Variants in NUP160 observed in about 807,000 individuals in gnomAD.
The protein encoded by NUP160 is nuclear pore complex protein Nup160.
In NUP160, 94 loss-of-function variants were observed where a neutral mutation model predicts 196.9. That is an observed-to-expected ratio of 0.48 (90% confidence interval 0.40 to 0.57). The LOEUF (loss-of-function observed/expected upper bound fraction) is 0.57. Ranked by LOEUF, NUP160 falls within the 20% of genes least tolerant of loss-of-function variation. The pLI, the probability that NUP160 is intolerant of heterozygous loss-of-function variation, is 0.00. For synonymous variants in NUP160, 605 were observed against 619.7 expected, an observed-to-expected ratio of 0.98 and a Z score of 0.35; for missense variants, 1,638 against 1,748.3, an observed-to-expected ratio of 0.94 and a Z score of 1.13.
At position 47,827,190 on chromosome 11, in the gene NUP160, C is replaced by T. The variant is rs142115375; in HGVS notation, c.1102-5026G>A. ...GAGACCAGGCAACATGGCGAAACCC[C>T]GTCTCTACCAAAAATACAAAAAAAT... is the stretch of plus-strand genomic sequence containing the variant. On this transcript the variant is annotated intron_variant, in intron 7 of 35. Transcript: ENST00000378460. 196 of 455,052 alleles carry T rather than the reference C, an allele frequency of 4.3e-4. 1 individual carries two copies. The highest frequency in any genetic ancestry group is 3.4e-3 in the African/African-American group (169 of 50,070). 28.2% of individuals were successfully genotyped at this position (455,052 alleles called of 1,614,324 possible). A position where few individuals can be genotyped will look rare whatever the true frequency, so the allele number is the denominator to read the frequency against.
rs570491132 is a variant in NUP160, at chr11:47,802,255, A to C, written c.2776-325T>G. ...AGACCAGCCTGACCAACACGGTGAA[A>C]CTCCATATCTACTAAAAACACAAAA... is the stretch of plus-strand genomic sequence containing the variant. On this transcript the variant is annotated intron_variant, in intron 22 of 35. Transcript: ENST00000378460. Among the ~76,000 whole-genome samples, 7 of 151,864 alleles carry C rather than the reference A, an allele frequency of 4.6e-5. No homozygotes were observed. The South Asian group carries it at 1.5e-3, about 32-fold the overall frequency.
In NUP160 at chr11:47,798,419, A is replaced by C. The variant is rs751943060; in HGVS notation, c.2940T>G (p.Ile980Met). 3 of 1,611,876 alleles carry C rather than the reference A, an allele frequency of 1.9e-6. No individual in the cohort carries two copies. The African/African-American group carries it at 4.0e-5, about 22-fold the overall frequency. Residue 980 changes from isoleucine (I) to methionine (M), a missense_variant, in exon 24 of 36, where the codon ATT becomes ATG. Ile to Met is a conservative substitution (Grantham distance 10). Around this residue, in one of 3 missense-constraint regions of NUP160, gnomAD observed 1,345 missense variants for 1,470.2 expected, o/e 0.91. Transcript: ENST00000378460. ...CAGTTATGGCTGATGTAGCCAACTGAATAACCAGTTCAGGCAAACCAATGA... is the reference window on the plus strand; with the variant it reads ...CAGTTATGGCTGATGTAGCCAACTGCATAACCAGTTCAGGCAAACCAATGA...
intron 7 of NUP160, 82 bp downstream of exon 7, chr11:47,835,569 G>T: frequency 1.7e-6 from 2 of 1,184,060 alleles, no homozygotes; most frequent in South Asian, 3.9e-5. Context: ...AAAAGAGCTT[G>T]AACAGACTCA....
At chr11:47,791,879 A>G in intron 29 of NUP160, 51 bp downstream of exon 29, 1 of 1,144,586 alleles carries the variant, frequency 8.7e-7, no homozygotes. Context: ...AACTAACAAT[A>G]ACAACATTAC....
chr11:47,794,736 CCTCT>C (rs1369948883), intron 27 of NUP160, among the ~76,000 whole-genome samples: 1 of 151,880 alleles, frequency 6.6e-6, no homozygotes, highest in Admixed American at 6.6e-5. Flanking sequence ...ATGGTGAAAC[CCTCT>C]CTCTACTAAA....
At chr11:47,835,952 A>C in intron 6 of NUP160, 143 bp from the exon 7 acceptor site, 3 of 658,204 alleles carry the variant, frequency 4.6e-6, no homozygotes, top group Non-Finnish European at 7.1e-6. Flanking sequence ...TTTGTTTCAA[A>C]AGGGCTAACA....
chr11:47,847,648 T>TGGGGGGGGGTGGGGGGGG (rs1852424883), intron 2 of NUP160, among the ~76,000 whole-genome samples, 200 bp downstream of exon 2: 1 of 77,464 alleles, frequency 1.3e-5, no homozygotes, highest in Non-Finnish European at 2.3e-5. Flanking sequence ...TGTGTGGGGG[T>TGGGGGGGGGTGGGGGGGG]GGGGGGGGGG....
intron 20 of NUP160, among the ~76,000 whole-genome samples, chr11:47,805,332 T>G (rs959173245): frequency 6.6e-6 from 1 of 152,076 alleles, no homozygotes; most frequent in Non-Finnish European, 1.5e-5. Context: ...GGTTTCACCA[T>G]GTTGGTCAGG....
chr11:47,809,677 G>A, intron 17 of NUP160, among the ~76,000 whole-genome samples: 1 of 149,310 alleles, frequency 6.7e-6, no homozygotes, highest in Non-Finnish European at 1.5e-5. Flanking sequence ...GAACCCAGGA[G>A]GCGGAGGTTG....
intron 3 of NUP160, 61 bp from the exon 4 acceptor site, chr11:47,840,126 CCT>C: frequency 7.7e-7 from 1 of 1,295,174 alleles, no homozygotes; most frequent in Non-Finnish European, 1.1e-6. Flanking sequence ...TTGCTCAGTT[CCT>C]CTCTATTGCT....
chr11:47,803,489 G>A (rs1280556548), exon 22 of NUP160: 1 of 1,612,618 alleles, frequency 6.2e-7, no homozygotes. Context: ...TAAATCGACA[G>A]GAACCAACAT....
chr11:47,803,293 C>A, intron 22 of NUP160, 145 bp downstream of exon 22: 1 of 587,410 alleles, frequency 1.7e-6, no homozygotes, highest in Non-Finnish European at 3.1e-6. Context: ...TATATAATGC[C>A]TTTGACTGGC....
Position 47,812,420 on chromosome 11 carries a change from C to T in NUP160, c.1962G>A (p.Val654=). The change falls in exon 16 of 36, where the codon GTG becomes GTA. Residue 654 remains valine (V), a synonymous_variant. Coordinates refer to ENST00000378460, the Ensembl canonical transcript of NUP160. Reference sequence around the variant, plus strand: ...GCAGTTTACTACAAATATCCTCCATCACATTTTCTCTATAAGGACAATTAC... The same window carrying T: ...GCAGTTTACTACAAATATCCTCCATTACATTTTCTCTATAAGGACAATTAC... 1.9e-6 allele frequency: 3 copies of T among 1,612,736 alleles called. 1 individual carries two copies. In the South Asian group the frequency reaches 3.3e-5, roughly 18 times the overall value.
At chr11:47,839,500 C>T in intron 4 of NUP160, 1 of 255,170 alleles carries the variant, frequency 3.9e-6, no homozygotes, top group East Asian at 9.5e-5. Context: ...GACACAGTGG[C>T]AACTTGGTGC....
chr11:47,848,077 G>T lies in NUP160; in HGVS notation c.203-118C>A, dbSNP rs564839979. On this transcript the variant is annotated intron_variant, in intron 1 of 35. Coordinates refer to ENST00000378460, the Ensembl canonical transcript of NUP160. ...ACCCATACAAAGAAAAGAGGAAAAC[G>T]TCGGACATCAAGGAATCTCTGATCC... 7.9e-5 allele frequency: 100 copies of T among 1,265,332 alleles called. No individual in the cohort carries two copies. The African/African-American group carries it at 1.3e-3, about 16-fold the overall frequency. The allele number at this position is 1,265,332 out of a possible 1,614,324, so 78.4% of individuals were successfully genotyped here.
At chr11:47,820,727 T>G (rs1173364102) in intron 9 of NUP160, among the ~76,000 whole-genome samples, 1 of 152,052 alleles carries the variant, frequency 6.6e-6, no homozygotes, top group East Asian at 1.9e-4. Context: ...AATTTTTGTA[T>G]TTTTAGTAGA....
chr11:47,847,050 G>C (rs779034738), intron 2 of NUP160, among the ~76,000 whole-genome samples: 4 of 152,052 alleles, frequency 2.6e-5, no homozygotes, highest in Admixed American at 1.3e-4. Context: ...AATGGCCTAA[G>C]GGTCCCTCAT....
At chr11:47,804,726 A>C in intron 20 of NUP160, 108 bp from the exon 21 acceptor site, 1 of 692,784 alleles carries the variant, frequency 1.4e-6, no homozygotes, top group Admixed American at 3.2e-5. Context: ...TTACATAAAC[A>C]AGGCAGAGAA....
At position 47,788,489 on chromosome 11, in the gene NUP160, T is replaced by C. The variant is rs2135346520; in HGVS notation, c.3622+12A>G. On this transcript the variant is annotated intron_variant, in intron 30 of 35. Transcript: ENST00000378460. ...CTGACAAGTCAGAGGCTTTAAACTCTTGAATTCCTACCAGCAACTGCAACC... is the reference window on the plus strand; with the variant it reads ...CTGACAAGTCAGAGGCTTTAAACTCCTGAATTCCTACCAGCAACTGCAACC... 6.2e-7 allele frequency: 1 copy of C among 1,609,884 alleles called. No individual in the cohort carries two copies. Among genetic ancestry groups the C allele is most frequent in the East Asian group, 2.2e-5 (1 of 44,860 alleles).
Sources: allele counts gnomAD v4.1 joint callset (sites outside exome capture counted in the v4.1 genomes callset), GRCh38; gene constraint gnomAD v4.1.1; regional missense constraint gnomAD v4.1.1; transcripts MANE v1.5; gene names NCBI Gene and HGNC (gene_info 2026-07-23, HGNC 2026-07-21).